Variants in PRDM16 observed in about 807,000 individuals in gnomAD.
The protein encoded by PRDM16 is PR/SET domain 16.
Under a neutral mutation model 110.6 loss-of-function variants are expected in PRDM16, and 23 were observed. The observed-to-expected ratio is 0.21, with a 90% CI of 0.15 to 0.29. The LOEUF (loss-of-function observed/expected upper bound fraction) is 0.29. Ranked by LOEUF, PRDM16 falls within the 10% of genes least tolerant of loss-of-function variation. PRDM16 has a pLI of 1.00. For synonymous variants in PRDM16, 799 were observed against 781.8 expected (o/e 1.02, Z -0.37); for missense variants, 1,615 against 1,794.3 (o/e 0.90, Z 1.81).
chr1:3,234,514 G>A (rs534822668), intron 2 of PRDM16, among the ~76,000 whole-genome samples: 20 of 152,248 alleles, frequency 1.3e-4, no homozygotes, highest in African/African-American at 4.8e-4. Context: ...TGCCCGAGAC[G>A]CCTGGTCCAG....
intron 2 of PRDM16, among the ~76,000 whole-genome samples, chr1:3,203,095 A>G (rs1638671537): frequency 1.3e-5 from 2 of 152,162 alleles, no homozygotes; most frequent in Non-Finnish European, 2.9e-5. Flanking sequence ...CACCAAGATA[A>G]AGCAGGGCAA....
At chr1:3,163,540 T>C (rs1643917387) in intron 1 of PRDM16, among the ~76,000 whole-genome samples, 7 of 151,940 alleles carry the variant, frequency 4.6e-5, no homozygotes, top group Admixed American at 4.6e-4. Flanking sequence ...CCTGGGGAGG[T>C]CCTAACCGGG....
In PRDM16 at chr1:3,245,250, A is replaced by C. The variant is rs1174664483; in HGVS notation, c.438+1113A>C. 6.6e-6 allele frequency among the ~76,000 whole-genome samples: 1 copy of C among 152,132 alleles called. No homozygotes were observed. Among genetic ancestry groups the C allele is most frequent in the Non-Finnish European group, 1.5e-5 (1 of 68,026 alleles). On this transcript the variant is annotated intron_variant, in intron 3 of 16. Coordinates refer to ENST00000270722, the MANE Select transcript of PRDM16 (RefSeq NM_022114.4). The surrounding 1 kb of genome is among the most constrained non-coding windows in gnomAD (Gnocchi z 4.7). ...AGCTGAGCTGAGTGTTCAAGTCATC[A>C]ATACTCCATTTTTCCCCCAAAGTCA...
At chr1:3,097,822 G>A (rs1402689075) in intron 1 of PRDM16, among the ~76,000 whole-genome samples, 2 of 152,146 alleles carry the variant, frequency 1.3e-5, no homozygotes, top group Non-Finnish European at 1.5e-5. Context: ...TCCCAGGGGG[G>A]CCCAAGCATG....
intron 1 of PRDM16, among the ~76,000 whole-genome samples, chr1:3,083,399 C>T (rs1259220502): frequency 6.6e-6 from 1 of 152,224 alleles, no homozygotes; most frequent in Non-Finnish European, 1.5e-5. Flanking sequence ...CTGCTGTGTG[C>T]CGGGCGGGCA....
At chr1:3,307,722 T>C (rs544306596) in intron 3 of PRDM16, 1 of 152,148 alleles carries the variant, frequency 6.6e-6, no homozygotes, top group Non-Finnish European at 1.5e-5. Flanking sequence ...CCCTTAAAGC[T>C]CAAGGATTTT....
At chr1:3,342,032 T>G (rs1210311917) in intron 3 of PRDM16, among the ~76,000 whole-genome samples, 1 of 152,204 alleles carries the variant, frequency 6.6e-6, no homozygotes, top group African/African-American at 2.4e-5. Flanking sequence ...TGATTGAGGT[T>G]GCAGGTTGCT....
rs188065550 is a variant in PRDM16 at position 3,379,944 on chromosome 1, A to G, written c.439-5208A>G. On this transcript the variant is annotated intron_variant, in intron 3 of 16. Coordinates refer to ENST00000270722, the MANE Select transcript of PRDM16 (RefSeq NM_022114.4). ...CACCCCTCCCAGCACACCCCTCCCA[A>G]CACACCCCTCCCAACACACCCCTCC... 3.7e-3 allele frequency among the ~76,000 whole-genome samples: 97 copies of G among 26,572 alleles called. 2 individuals are homozygous for G. The highest frequency in any genetic ancestry group is 0.013 in the African/African-American group (58 of 4,518). 17.4% of individuals were successfully genotyped at this position (26,572 alleles called of 152,430 possible).
chr1:3,266,143 T>C (rs1333443035), intron 3 of PRDM16, among the ~76,000 whole-genome samples: 1 of 152,232 alleles, frequency 6.6e-6, no homozygotes, highest in Non-Finnish European at 1.5e-5. Context: ...GGGGAAAATG[T>C]GCTGCTTCAG....
At chr1:3,205,952 A>C (rs1638743705) in intron 2 of PRDM16, 1 of 152,330 alleles carries the variant, frequency 6.6e-6, no homozygotes, top group Non-Finnish European at 1.5e-5. Flanking sequence ...ATGCCGAAGG[A>C]GCCCCCAGCC....
At chr1:3,365,828 C>T (rs963703697) in intron 3 of PRDM16, among the ~76,000 whole-genome samples, 2 of 152,176 alleles carry the variant, frequency 1.3e-5, no homozygotes, top group African/African-American at 4.8e-5. Flanking sequence ...GAAGGAAATG[C>T]CCTTTGTGGG....
intron 3 of PRDM16, among the ~76,000 whole-genome samples, chr1:3,330,509 G>A (rs1642020233): frequency 3.3e-5 from 5 of 152,022 alleles, no homozygotes; most frequent in African/African-American, 9.7e-5. Context: ...TCTGCCCCTC[G>A]CTCCCTAGGC....
Position 3,078,066 on chromosome 1 carries a change from G to A in PRDM16, c.37+8770G>A, listed in dbSNP as rs1351381726. 2.0e-5 allele frequency among the ~76,000 whole-genome samples: 3 copies of A among 152,194 alleles called. No individual in the cohort carries two copies. The East Asian group carries it at 5.8e-4, about 29-fold the overall frequency. ...TTGCCTCTGTCCTGGGGTGGAAACA[G>A]CTGTTGGCACGTGCCACTTTTTTTC... On this transcript the variant is annotated intron_variant, in intron 1 of 16. Transcript: ENST00000270722.
At chr1:3,384,524 C>A (rs1317846685) in intron 3 of PRDM16, among the ~76,000 whole-genome samples, 1 of 152,164 alleles carries the variant, frequency 6.6e-6, no homozygotes, top group South Asian at 2.1e-4. Flanking sequence ...CCACTCTGCC[C>A]GTTCAGAGGC....
At chr1:3,179,274 G>C (rs1415898805) in intron 1 of PRDM16, among the ~76,000 whole-genome samples, 1 of 152,362 alleles carries the variant, frequency 6.6e-6, no homozygotes, top group East Asian at 1.9e-4. Context: ...CCAGGACTGG[G>C]GTCAGAGCGC....
chr1:3,304,964 C>T (rs767364119), intron 3 of PRDM16, among the ~76,000 whole-genome samples: 2 of 152,178 alleles, frequency 1.3e-5, no homozygotes, highest in Non-Finnish European at 2.9e-5. Flanking sequence ...GCGTCTGTGT[C>T]CCCAGCTGAA....
chr1:3,371,050 A>C (rs890470599), intron 3 of PRDM16, among the ~76,000 whole-genome samples: 2 of 150,844 alleles, frequency 1.3e-5, no homozygotes, highest in African/African-American at 4.9e-5. Context: ...TTATTCATCC[A>C]TCCACCCACC....
At chr1:3,181,372 G>A (rs113901723) in intron 1 of PRDM16, among the ~76,000 whole-genome samples, 8 of 14,710 alleles carry the variant, frequency 5.4e-4, no homozygotes, top group Admixed American at 2.0e-3. Context: ...TCTTACACAC[G>A]CAGTCTTACA....
rs556145416 is a variant in PRDM16, at chr1:3,359,257, A to G, written c.439-25895A>G. 6.6e-6 allele frequency among the ~76,000 whole-genome samples: 1 copy of G among 152,206 alleles called. No individual in the cohort carries two copies. The highest frequency in any genetic ancestry group is 2.4e-5 in the African/African-American group (1 of 41,530). ...GTCTCACTATGTTCCCCAGGCTTAT[A>G]CACATTTTTAAATGCAGACTTGTTG... On this transcript the variant is annotated intron_variant, in intron 3 of 16. Coordinates refer to ENST00000270722, the MANE Select transcript of PRDM16 (RefSeq NM_022114.4). This position sits in a 1 kb window ranked among gnomAD's most constrained non-coding sequence, Gnocchi z 4.3.
Sources: allele counts gnomAD v4.1 joint callset (sites outside exome capture counted in the v4.1 genomes callset), GRCh38; gene constraint gnomAD v4.1.1; non-coding constraint Gnocchi (gnomAD v3.1); transcripts MANE v1.5; gene names NCBI Gene and HGNC (gene_info 2026-07-23, HGNC 2026-07-21).